Variants in CNTN4 observed in about 807,000 individuals in gnomAD.
CNTN4 encodes contactin-4.
CNTN4 carries 77 observed loss-of-function variants against 122.5 expected under a neutral mutation model. The observed-to-expected ratio is 0.63, with a 90% CI of 0.52 to 0.76. The LOEUF (loss-of-function observed/expected upper bound fraction) is 0.76. Ranked by LOEUF, CNTN4 falls within the 30% of genes least tolerant of loss-of-function variation. The pLI is 0.00. For synonymous variants in CNTN4, 512 were observed against 447.0 expected, an observed-to-expected ratio of 1.15 and a Z score of -1.83; for missense variants, 1,256 against 1,259.1, an observed-to-expected ratio of 1.00 and a Z score of 0.04.
chr3:2,885,374 C>G (rs549853227), intron 9 of CNTN4, among the ~76,000 whole-genome samples: 1 of 152,254 alleles, frequency 6.6e-6, no homozygotes, highest in South Asian at 2.1e-4. Context: ...TGGCATCTTT[C>G]TTTCTCTCAC....
chr3:2,464,346 C>A (rs562052795), intron 3 of CNTN4, among the ~76,000 whole-genome samples: 1 of 152,152 alleles, frequency 6.6e-6, no homozygotes, highest in Non-Finnish European at 1.5e-5. Flanking sequence ...CAGGAAGTGG[C>A]GCATTAGGAA....
At chr3:2,295,472 T>A (rs1407495758) in intron 2 of CNTN4, among the ~76,000 whole-genome samples, 9 of 136,896 alleles carry the variant, frequency 6.6e-5, no homozygotes, top group African/African-American at 2.5e-4. Context: ...TGCATGAATG[T>A]CTTCTTTTGA....
chr3:2,303,138 A>G lies in CNTN4; in HGVS notation c.-144-36040A>G, dbSNP rs149498116. On this transcript the variant is annotated intron_variant, in intron 2 of 24. Transcript: ENST00000418658. ...CTTAGAAAAGTTAGGTAACTTTTCA[A>G]TCATTCCAGATTTCCTAAGACATAG... Among the ~76,000 whole-genome samples, 29 of 152,348 alleles carry G rather than the reference A, an allele frequency of 1.9e-4. No homozygotes were observed. In the East Asian group the frequency reaches 4.0e-3, roughly 21 times the overall value.
chr3:2,920,192 CCACA>C (rs970510570), intron 12 of CNTN4, among the ~76,000 whole-genome samples: 11 of 150,988 alleles, frequency 7.3e-5, no homozygotes, highest in African/African-American at 2.7e-4. Flanking sequence ...TGATTACACA[CCACA>C]CACACACAGA....
chr3:2,415,682 T>C (rs987158921), intron 3 of CNTN4, among the ~76,000 whole-genome samples: 2 of 152,248 alleles, frequency 1.3e-5, no homozygotes, highest in Non-Finnish European at 2.9e-5. Flanking sequence ...ATTTAAGTTT[T>C]TTTCTTTTAT....
chr3:2,723,694 G>A (rs764141616), intron 4 of CNTN4, among the ~76,000 whole-genome samples: 7 of 152,196 alleles, frequency 4.6e-5, no homozygotes, highest in Non-Finnish European at 8.8e-5. Context: ...ATACTGTTGC[G>A]TTGAGGATTA....
intron 2 of CNTN4, among the ~76,000 whole-genome samples, chr3:2,281,364 C>G (rs890421849): frequency 6.6e-6 from 1 of 152,096 alleles, no homozygotes; most frequent in South Asian, 2.1e-4. Flanking sequence ...TGTCTAGTAA[C>G]TCCTAACCAC....
At chr3:3,019,836 ATATAT>A (rs1288955471) in intron 14 of CNTN4, among the ~76,000 whole-genome samples, 3 of 149,394 alleles carry the variant, frequency 2.0e-5, no homozygotes, top group Non-Finnish European at 4.4e-5. Context: ...ATTTACACAC[ATATAT>A]TGTATATGGG....
chr3:2,193,854 A>G (rs985143167), intron 2 of CNTN4, among the ~76,000 whole-genome samples: 3 of 152,202 alleles, frequency 2.0e-5, no homozygotes, highest in Non-Finnish European at 4.4e-5. Context: ...GTCACATGCT[A>G]TACAGGTTTG....
chr3:2,988,841 C>G (rs1045908452), intron 14 of CNTN4: 5 of 255,158 alleles, frequency 2.0e-5, no homozygotes, highest in African/African-American at 1.1e-4. Context: ...GACTCATGTA[C>G]TATTTTTAGA....
At chr3:2,360,573 G>A (rs148883079) in intron 3 of CNTN4, among the ~76,000 whole-genome samples, 232 of 152,222 alleles carry the variant, frequency 1.5e-3, no homozygotes, top group African/African-American at 5.3e-3. Flanking sequence ...AAGGAAAGAG[G>A]CTTAATTAAC....
chr3:2,424,121 G>A (rs760022859), intron 3 of CNTN4, among the ~76,000 whole-genome samples: 1 of 149,290 alleles, frequency 6.7e-6, no homozygotes, highest in Non-Finnish European at 1.5e-5. Flanking sequence ...AACGTGCAGG[G>A]TTGTTACATA....
chr3:2,709,999 T>C lies in CNTN4; in HGVS notation c.56-26216T>C, dbSNP rs75430793. On this transcript the variant is annotated intron_variant, in intron 4 of 24. Coordinates refer to ENST00000418658, the MANE Select transcript of CNTN4 (RefSeq NM_175607.3). The surrounding 1 kb of genome is among the most constrained non-coding windows in gnomAD (Gnocchi z 5.0). Reference sequence around the variant, plus strand: ...AACCCTCCTTTGTTAACATTTTAAATTGTCGCTCTATAGATGTCATTAGTT... The same window carrying C: ...AACCCTCCTTTGTTAACATTTTAAACTGTCGCTCTATAGATGTCATTAGTT... Among the ~76,000 whole-genome samples the C allele has an allele frequency of 0.021, 3,146 of 152,324 alleles. 126 individuals are homozygous for C. The highest frequency in any genetic ancestry group is 0.072 in the African/African-American group (2,990 of 41,564).
intron 3 of CNTN4, among the ~76,000 whole-genome samples, chr3:2,345,384 A>C (rs1251159512): frequency 6.6e-6 from 1 of 152,206 alleles, no homozygotes; most frequent in East Asian, 1.9e-4. Flanking sequence ...GTATTTTATA[A>C]GCTGTAATGT....
At chr3:2,723,835 G>A (rs2088025616) in intron 4 of CNTN4, among the ~76,000 whole-genome samples, 1 of 152,156 alleles carries the variant, frequency 6.6e-6, no homozygotes, top group African/African-American at 2.4e-5. Context: ...ATGCCAGTAA[G>A]TACTTGGCTC....
At chr3:2,854,845 A>G (rs1174143442) in intron 7 of CNTN4, among the ~76,000 whole-genome samples, 2 of 152,106 alleles carry the variant, frequency 1.3e-5, no homozygotes, top group Non-Finnish European at 2.9e-5. Flanking sequence ...CATTTTTTTC[A>G]TTATTCCTGA....
At chr3:2,242,052 G>A (rs2039962276) in intron 2 of CNTN4, among the ~76,000 whole-genome samples, 1 of 152,080 alleles carries the variant, frequency 6.6e-6, no homozygotes, top group Admixed American at 6.5e-5. Context: ...TAGGTATTGG[G>A]TGAAAGACCA....
chr3:2,891,489 C>T (rs973782223), intron 10 of CNTN4, among the ~76,000 whole-genome samples: 12 of 152,108 alleles, frequency 7.9e-5, no homozygotes, highest in Non-Finnish European at 1.5e-5. Context: ...TAGAAAGTAG[C>T]TGAGAGCAAG....
intron 2 of CNTN4, among the ~76,000 whole-genome samples, chr3:2,257,174 G>A (rs1448911280): frequency 1.3e-5 from 2 of 152,136 alleles, no homozygotes; most frequent in East Asian, 3.9e-4. Flanking sequence ...ACCTGAGAAA[G>A]ACAAGCAATG....
Sources: gnomAD v4.1 joint callset for allele counts (sites outside exome capture counted in the v4.1 genomes callset) on GRCh38, gnomAD v4.1.1 for gene constraint, Gnocchi (gnomAD v3.1) non-coding constraint, MANE v1.5 for transcripts, NCBI Gene and HGNC (gene_info 2026-07-23, HGNC 2026-07-21) for gene names.